LRRC4C: variants seen among roughly 807,000 people sequenced by gnomAD.
The protein encoded by LRRC4C is leucine rich repeat containing 4C.
A neutral mutation model predicts 33.6 loss-of-function variants in LRRC4C; 5 were observed. The ratio of observed to expected loss-of-function variants is 0.15; its 90% CI spans 0.08 to 0.31. The LOEUF (loss-of-function observed/expected upper bound fraction) is 0.31, where lower values mean the gene tolerates loss of function less well. LRRC4C is among the 10% of genes least tolerant of loss of function. LRRC4C has a pLI of 1.00. For synonymous variants in LRRC4C, 329 were observed against 302.0 expected, an observed-to-expected ratio of 1.09 and a Z score of -0.93; for missense variants, 560 against 796.7, an observed-to-expected ratio of 0.70 and a Z score of 3.58.
intron 5 of LRRC4C, among the ~76,000 whole-genome samples, chr11:40,212,822 CTG>C (rs780357919): frequency 1.3e-5 from 2 of 152,088 alleles, no homozygotes; most frequent in Non-Finnish European, 2.9e-5. Flanking sequence ...GTTTCAGACT[CTG>C]TGTGCTTAGC....
intron 1 of LRRC4C, among the ~76,000 whole-genome samples, chr11:41,269,506 G>C (rs1258861179): frequency 6.6e-6 from 1 of 152,060 alleles, no homozygotes; most frequent in Non-Finnish European, 1.5e-5. Context: ...AATCTAATTA[G>C]TGTTTAATGA....
chr11:41,353,730 T>C (rs1260403512), intron 1 of LRRC4C, among the ~76,000 whole-genome samples: 1 of 152,160 alleles, frequency 6.6e-6, no homozygotes, highest in Non-Finnish European at 1.5e-5. Context: ...TGCAAATCCA[T>C]AAATGTGATT....
intron 1 of LRRC4C, among the ~76,000 whole-genome samples, chr11:41,440,609 T>A (rs892627182): frequency 6.6e-6 from 1 of 152,158 alleles, no homozygotes; most frequent in African/African-American, 2.4e-5. Flanking sequence ...TCTATTGGAC[T>A]GATATGGTTT....
chr11:40,853,706 A>T (rs1011674924), intron 2 of LRRC4C, among the ~76,000 whole-genome samples: 1 of 152,162 alleles, frequency 6.6e-6, no homozygotes, highest in African/African-American at 2.4e-5. Flanking sequence ...TATTAAATCA[A>T]TTTTGTCTTC....
intron 1 of LRRC4C, among the ~76,000 whole-genome samples, chr11:41,190,624 C>A (rs7928273): frequency 0.09 from 13,685 of 152,162 alleles, 800 homozygotes; most frequent in Middle Eastern, 0.17. Context: ...GGCTAAACAA[C>A]GGTAAAATGA....
At chr11:40,454,872 T>G (rs1952060581) in intron 3 of LRRC4C, among the ~76,000 whole-genome samples, 2 of 152,172 alleles carry the variant, frequency 1.3e-5, no homozygotes, top group Admixed American at 6.6e-5. Flanking sequence ...GTATTTATTC[T>G]CTACTTAGTT....
intron 3 of LRRC4C, among the ~76,000 whole-genome samples, chr11:40,511,511 A>AT (rs1246132112): frequency 6.6e-6 from 1 of 152,122 alleles, no homozygotes; most frequent in Non-Finnish European, 1.5e-5. Flanking sequence ...AAAATGGGAG[A>AT]TTTTCCACAT....
Position 40,134,117 on chromosome 11 carries a change from C to T in LRRC4C, c.-43+6684G>A, listed in dbSNP as rs113808803. Among the ~76,000 whole-genome samples the T allele has an allele frequency of 3.1e-3, 472 of 152,172 alleles. 5 individuals carry two copies. The highest frequency in any genetic ancestry group is 0.011 in the African/African-American group (453 of 41,528). On this transcript the variant is annotated intron_variant, in intron 6 of 6. Coordinates refer to ENST00000528697, the MANE Select transcript of LRRC4C (RefSeq NM_001258419.2). ...GAGAGAAAAAACGGAAAGAACCAGG[C>T]GTGGTGGCACATGCCTGTAGTCCCA...
At chr11:41,417,822 A>G (rs569762962) in intron 1 of LRRC4C, among the ~76,000 whole-genome samples, 1 of 151,880 alleles carries the variant, frequency 6.6e-6, no homozygotes, top group Admixed American at 6.6e-5. Flanking sequence ...TGTACACTAT[A>G]CATATTATGC....
chr11:40,461,243 C>A (rs1047764526), intron 3 of LRRC4C, among the ~76,000 whole-genome samples: 1 of 152,044 alleles, frequency 6.6e-6, no homozygotes, highest in Non-Finnish European at 1.5e-5. Flanking sequence ...TTTGGTGGAA[C>A]CTTACAGAAA....
chr11:41,093,346 C>A (rs1940565698), intron 1 of LRRC4C, among the ~76,000 whole-genome samples: 1 of 152,190 alleles, frequency 6.6e-6, no homozygotes, highest in Non-Finnish European at 1.5e-5. Context: ...TAACTGTATT[C>A]AGAGAATGAA....
At position 41,362,081 on chromosome 11, in the gene LRRC4C, C is replaced by T. The variant is rs1952374203; in HGVS notation, c.-496+97350G>A. Among the ~76,000 whole-genome samples the T allele has an allele frequency of 2.0e-5, 3 of 152,106 alleles. No homozygotes were observed. In the South Asian group the frequency reaches 6.2e-4, roughly 31 times the overall value. On this transcript the variant is annotated intron_variant, in intron 1 of 6. Coordinates refer to ENST00000528697, the MANE Select transcript of LRRC4C (RefSeq NM_001258419.2). ...AGATGCAGTTTAATCTAAAGTGAAG[C>T]TTAACTTTTGTTTAAAATGCTCAAG...
At chr11:40,833,395 T>G (rs1227009922) in intron 2 of LRRC4C, among the ~76,000 whole-genome samples, 2 of 152,140 alleles carry the variant, frequency 1.3e-5, no homozygotes, top group African/African-American at 2.4e-5. Context: ...TAAAATTAAT[T>G]TCAAGTATAT....
At chr11:40,902,172 G>A (rs1309824214) in intron 2 of LRRC4C, among the ~76,000 whole-genome samples, 1 of 151,944 alleles carries the variant, frequency 6.6e-6, no homozygotes, top group African/African-American at 2.4e-5. Context: ...CCAACAGCAT[G>A]TCTTTGTGTC....
intron 3 of LRRC4C, among the ~76,000 whole-genome samples, chr11:40,593,004 G>A (rs1959127425): frequency 6.6e-6 from 1 of 151,810 alleles, no homozygotes; most frequent in Non-Finnish European, 1.5e-5. Flanking sequence ...GGGGCTTTCT[G>A]ATGTGCTTTT....
intron 2 of LRRC4C, among the ~76,000 whole-genome samples, chr11:40,662,537 G>A (rs1943495936): frequency 6.6e-6 from 1 of 152,152 alleles, no homozygotes; most frequent in South Asian, 2.1e-4. Flanking sequence ...GGGACTATCG[G>A]GAGGAACATA....
At chr11:40,246,639 T>A (rs7111374) in intron 4 of LRRC4C, among the ~76,000 whole-genome samples, 113,389 of 151,980 alleles carry the variant, frequency 0.75, 46,240 homozygotes, top group East Asian at 0.95. Flanking sequence ...CTGAAATATA[T>A]CTTCTGTTTT....
intron 1 of LRRC4C, among the ~76,000 whole-genome samples, chr11:41,434,359 A>G (rs1317787941): frequency 1.3e-5 from 2 of 152,080 alleles, no homozygotes; most frequent in African/African-American, 4.8e-5. Flanking sequence ...AAAGCAAAAA[A>G]ATTTGAAAAT....
At chr11:41,400,163 C>T (rs1565642859) in intron 1 of LRRC4C, among the ~76,000 whole-genome samples, 1 of 151,906 alleles carries the variant, frequency 6.6e-6, no homozygotes, top group Non-Finnish European at 1.5e-5. Flanking sequence ...TGTTTATATT[C>T]TGGACAATTT....
Sources: allele counts gnomAD v4.1 joint callset (sites outside exome capture counted in the v4.1 genomes callset), GRCh38; gene constraint gnomAD v4.1.1; transcripts MANE v1.5; gene names NCBI Gene and HGNC (gene_info 2026-07-23, HGNC 2026-07-21).